CCDC178: variants seen among roughly 807,000 people sequenced by gnomAD.
CCDC178 encodes coiled-coil domain-containing protein 178.
In CCDC178, 126 loss-of-function variants were observed where a neutral mutation model predicts 117.4. The ratio of observed to expected loss-of-function variants is 1.07; its 90% CI spans 0.93 to 1.24. The LOEUF (loss-of-function observed/expected upper bound fraction) is 1.24, where lower values mean the gene tolerates loss of function less well. Among genes scored for constraint, CCDC178 ranks in the 50% most tolerant of loss-of-function variants. The pLI, the probability that CCDC178 is intolerant of heterozygous loss-of-function variation, is 0.00. For synonymous variants in CCDC178, 283 were observed against 313.4 expected, an observed-to-expected ratio of 0.90 and a Z score of 1.02; for missense variants, 1,030 against 986.9, an observed-to-expected ratio of 1.04 and a Z score of -0.59.
At chr18:33,415,774 GGAATA>G (rs1392660965) in intron 2 of CCDC178, among the ~76,000 whole-genome samples, 1 of 152,002 alleles carries the variant, frequency 6.6e-6, no homozygotes. Context: ...TTGGGAAGAT[GGAATA>G]GATATACACT....
intron 11 of CCDC178, among the ~76,000 whole-genome samples, chr18:33,318,533 T>C (rs1004369514): frequency 5.3e-5 from 8 of 152,144 alleles, no homozygotes; most frequent in Non-Finnish European, 1.2e-4. Flanking sequence ...TCAAGAAGTA[T>C]GGAGTACACA....
intron 20 of CCDC178, among the ~76,000 whole-genome samples, chr18:33,163,667 T>A (rs1049138140): frequency 6.6e-6 from 1 of 152,194 alleles, no homozygotes; most frequent in Non-Finnish European, 1.5e-5. Context: ...TATTCTATAA[T>A]AAAATAATTT....
intron 9 of CCDC178, among the ~76,000 whole-genome samples, chr18:33,345,649 C>T (rs2144676006): frequency 6.6e-6 from 1 of 152,230 alleles, no homozygotes; most frequent in South Asian, 2.1e-4. Context: ...ATACTGTAGT[C>T]ATTATAGGAT....
intron 22 of CCDC178, among the ~76,000 whole-genome samples, chr18:32,972,149 T>C (rs781597623): frequency 5.9e-5 from 9 of 152,140 alleles, no homozygotes; most frequent in African/African-American, 2.2e-4. Flanking sequence ...TTTACGGCTT[T>C]GGGTTCTACA....
At chr18:33,136,947 A>G (rs1352929197) in intron 20 of CCDC178, among the ~76,000 whole-genome samples, 1 of 152,210 alleles carries the variant, frequency 6.6e-6, no homozygotes, top group East Asian at 1.9e-4. Flanking sequence ...GGTTGAGGCC[A>G]TAGTGGTGAG....
chr18:32,985,595 C>T (rs2055245603), intron 21 of CCDC178, among the ~76,000 whole-genome samples: 2 of 151,878 alleles, frequency 1.3e-5, no homozygotes, highest in South Asian at 2.1e-4. Context: ...CAAATATTAT[C>T]GAATATATTT....
intron 20 of CCDC178, among the ~76,000 whole-genome samples, chr18:33,166,490 G>C (rs762805431): frequency 2.0e-5 from 3 of 151,906 alleles, no homozygotes; most frequent in East Asian, 1.9e-4. Context: ...CTAGAGCTTA[G>C]AGCCCTTAAA....
chr18:33,227,517 T>C (rs557529330), intron 15 of CCDC178, among the ~76,000 whole-genome samples: 41 of 142,062 alleles, frequency 2.9e-4, no homozygotes, highest in African/African-American at 1.0e-3. Context: ...TCCTCCAGAT[T>C]CAAAAGATAT....
At chr18:33,337,701 G>A (rs921728703) in intron 9 of CCDC178, among the ~76,000 whole-genome samples, 1 of 152,222 alleles carries the variant, frequency 6.6e-6, no homozygotes, top group South Asian at 2.1e-4. Context: ...TAATTGGCAA[G>A]CCACATGTAG....
intron 19 of CCDC178, among the ~76,000 whole-genome samples, chr18:33,215,342 G>A (rs1001669801): frequency 5.9e-5 from 9 of 151,780 alleles, no homozygotes; most frequent in Admixed American, 2.0e-4. Flanking sequence ...ATTCAAATAA[G>A]AACAAACCCG....
rs1343941641 is a variant in CCDC178, at chr18:33,149,230, TACTA to T, written c.2239-56324_2239-56321del. Reference sequence around the variant, plus strand: ...GGAATCCAGAAAGCAAATGGTTAAATACTAACTGACTTAGGGTTTTCTGGAAGCC... The same window carrying T: ...GGAATCCAGAAAGCAAATGGTTAAATACTGACTTAGGGTTTTCTGGAAGCC... On this transcript the variant is annotated intron_variant, in intron 20 of 22. Transcript: ENST00000383096. Among the ~76,000 whole-genome samples the T allele has an allele frequency of 2.6e-5, 4 of 152,164 alleles. No individual in the cohort carries two copies. The East Asian group carries it at 7.7e-4, about 29-fold the overall frequency.
chr18:33,207,183 A>C (rs776666849), intron 20 of CCDC178, among the ~76,000 whole-genome samples: 3 of 152,280 alleles, frequency 2.0e-5, no homozygotes, highest in Admixed American at 2.0e-4. Flanking sequence ...GAAATGCCCC[A>C]TGCAATTTAA....
intron 3 of CCDC178, 36 bp from the exon 4 acceptor site, chr18:33,397,244 G>A (rs2063652110): frequency 7.1e-7 from 1 of 1,400,422 alleles, no homozygotes; most frequent in African/African-American, 1.4e-5. Context: ...TAAAATATCT[G>A]CTTCCTGAGT....
At chr18:33,406,080 G>C (rs1241120614) in intron 3 of CCDC178, among the ~76,000 whole-genome samples, 5 of 152,000 alleles carry the variant, frequency 3.3e-5, no homozygotes, top group African/African-American at 1.2e-4. Flanking sequence ...CTAAGAGAGA[G>C]AGAAGTAAGA....
At chr18:33,099,155 G>T (rs894275609) in intron 20 of CCDC178, among the ~76,000 whole-genome samples, 6 of 151,980 alleles carry the variant, frequency 3.9e-5, no homozygotes, top group African/African-American at 1.4e-4. Flanking sequence ...TAAATGTTCT[G>T]CTGTCTTTTG....
At chr18:33,152,972 C>G (rs994158246) in intron 20 of CCDC178, among the ~76,000 whole-genome samples, 2 of 150,000 alleles carry the variant, frequency 1.3e-5, no homozygotes, top group African/African-American at 4.9e-5. Flanking sequence ...TAGGAAGGCA[C>G]TGTCGAAGAA....
chr18:33,029,564 A>G (rs2096147144), intron 21 of CCDC178, among the ~76,000 whole-genome samples: 2 of 151,936 alleles, frequency 1.3e-5, no homozygotes, highest in Middle Eastern at 3.4e-3. Flanking sequence ...AGTTTAGTTT[A>G]CAATTACTGG....
chr18:33,092,647 G>A (rs900033503), intron 21 of CCDC178, 114 bp downstream of exon 21: 15 of 592,216 alleles, frequency 2.5e-5, no homozygotes, highest in Admixed American at 1.8e-4. Context: ...GAGAAAATAG[G>A]CCATGTTGTG....
chr18:33,396,670 C>A (rs2063640983), intron 4 of CCDC178, among the ~76,000 whole-genome samples: 1 of 152,030 alleles, frequency 6.6e-6, no homozygotes, highest in Non-Finnish European at 1.5e-5. Context: ...AACAAGCATG[C>A]AAAATTAAAT....
Sources: gnomAD v4.1 joint callset for allele counts (sites outside exome capture counted in the v4.1 genomes callset) on GRCh38, gnomAD v4.1.1 for gene constraint, MANE v1.5 for transcripts, NCBI Gene and HGNC (gene_info 2026-07-23, HGNC 2026-07-21) for gene names.